The following NHSL2 variants were observed in gnomAD, a reference collection of about 807,000 sequenced individuals.
NHSL2 encodes NHS like 2.
Under a neutral mutation model 53.4 loss-of-function variants are expected in NHSL2, and 27 were observed. The ratio of observed to expected loss-of-function variants is 0.51; its 90% CI spans 0.37 to 0.70. The LOEUF (loss-of-function observed/expected upper bound fraction) is 0.70, where lower values mean the gene tolerates loss of function less well. NHSL2 is among the 30% of genes least tolerant of loss of function. The pLI is 0.00. For synonymous variants in NHSL2, 408 were observed against 404.1 expected (o/e 1.01, Z -0.12); for missense variants, 892 against 980.1 (o/e 0.91, Z 1.20).
At chrX:71,948,566 T>G (rs1185153049) in intron 1 of NHSL2, among the ~76,000 whole-genome samples, 1 of 111,425 alleles carries the variant, frequency 9.0e-6, no homozygotes, top group African/African-American at 3.3e-5. Context: ...GCACGGTGGC[T>G]CACGCCTGTA....
chrX:72,010,354 A>G (rs940004677), intron 1 of NHSL2, among the ~76,000 whole-genome samples: 1 of 112,223 alleles, frequency 8.9e-6, no homozygotes, highest in Admixed American at 9.4e-5. Context: ...AGCAAAACAG[A>G]TATGCATTTC....
rs1282432462 is a variant in NHSL2, at chrX:72,140,353, C to T, written c.2805C>T (p.Gly935=). 2.5e-6 allele frequency: 3 copies of T among 1,209,286 alleles called. No individual in the cohort carries two copies. The highest frequency in any genetic ancestry group is 3.4e-6 in the Non-Finnish European group (3 of 894,706). The change falls in exon 6 of 8, where the codon GGC becomes GGT. Residue 935 remains glycine, a synonymous_variant. Coordinates refer to ENST00000633930, the MANE Select transcript of NHSL2 (RefSeq NM_001013627.3). ...CAAAGCCCTCCAGCTTCCCAGATGGCAGAAGCCCAGGGGAGTCAACAGCAC... is the reference window on the plus strand; with the variant it reads ...CAAAGCCCTCCAGCTTCCCAGATGGTAGAAGCCCAGGGGAGTCAACAGCAC... ...RKPKPSSFPD[G]RSPGESTAPS...
intron 1 of NHSL2, among the ~76,000 whole-genome samples, chrX:72,106,575 G>T (rs1172912627): frequency 9.0e-6 from 1 of 111,372 alleles, no homozygotes; most frequent in Non-Finnish European, 1.9e-5. Context: ...CAGGGATCTA[G>T]AACTAGAAAT....
intron 1 of NHSL2, among the ~76,000 whole-genome samples, chrX:72,049,328 T>C (rs1020390397): frequency 5.4e-5 from 6 of 111,884 alleles, no homozygotes; most frequent in Non-Finnish European, 1.1e-4. Flanking sequence ...TGTGTGGTTC[T>C]GCAGGTTGTG....
Position 72,134,646 on chromosome X carries a change from G to A in NHSL2, c.702G>A (p.Glu234=). ...NSLFPLPILE[E]KRWPQLCSTQ... ...TTTTCCCTCTGCCCATCCTAGAGGAGAAGCGGTGGCCTCAGCTTTGCTCCA... is the reference window on the plus strand; with the variant it reads ...TTTTCCCTCTGCCCATCCTAGAGGAAAAGCGGTGGCCTCAGCTTTGCTCCA... Residue 234 remains glutamate, a synonymous_variant, in exon 4 of 8, where the codon GAG becomes GAA. Coordinates refer to ENST00000633930, the MANE Select transcript of NHSL2 (RefSeq NM_001013627.3). 1 of 1,167,640 alleles carries A rather than the reference G, an allele frequency of 8.6e-7. No homozygotes were observed. Among genetic ancestry groups the A allele is most frequent in the East Asian group, 3.2e-5 (1 of 30,802 alleles).
intron 1 of NHSL2, among the ~76,000 whole-genome samples, chrX:72,068,651 T>C (rs1329658048): frequency 1.4e-5 from 1 of 72,945 alleles, no homozygotes; most frequent in African/African-American, 4.4e-5. Context: ...AGTGTGTCCG[T>C]GTGTGTGTGC....
intron 1 of NHSL2, chrX:72,131,500 G>C: frequency 3.3e-6 from 4 of 1,199,247 alleles, no homozygotes; most frequent in Non-Finnish European, 4.5e-6. Flanking sequence ...GGCCACATTC[G>C]CCATGCGGAG....
Position 72,013,967 on chromosome X carries a change from G to A in NHSL2, c.280+102600G>A, listed in dbSNP as rs1243970599. 2.7e-5 allele frequency among the ~76,000 whole-genome samples: 3 copies of A among 111,778 alleles called. No individual in the cohort carries two copies. In the East Asian group the frequency reaches 8.3e-4, roughly 31 times the overall value. ...GGACCTGGAGATTTTAAAGGGAGTA[G>A]TTTTAAAATTATGAATTTCATGTTT... On this transcript the variant is annotated intron_variant, in intron 1 of 7. Transcript: ENST00000633930.
At chrX:72,045,232 C>G (rs2042298921) in intron 1 of NHSL2, among the ~76,000 whole-genome samples, 2 of 112,411 alleles carry the variant, frequency 1.8e-5, no homozygotes, top group Admixed American at 9.3e-5. Context: ...CTACAGATGA[C>G]TGTACTTGGG....
At chrX:71,966,384 A>C (rs1056885679) in intron 1 of NHSL2, among the ~76,000 whole-genome samples, 1 of 112,008 alleles carries the variant, frequency 8.9e-6, no homozygotes, top group African/African-American at 3.2e-5. Context: ...TTCTTTGGGA[A>C]AGTTTCAAAT....
At chrX:71,999,379 C>G (rs185930074) in intron 1 of NHSL2, among the ~76,000 whole-genome samples, 84 of 112,458 alleles carry the variant, frequency 7.5e-4, no homozygotes, top group Non-Finnish European at 1.3e-3. Context: ...GTCAATTTTG[C>G]TTAGAGTGGT....
chrX:72,142,583 T>C (rs1345484640), intron 7 of NHSL2, among the ~76,000 whole-genome samples: 1 of 111,221 alleles, frequency 9.0e-6, no homozygotes, highest in Non-Finnish European at 1.9e-5. Flanking sequence ...CATCTCAAAT[T>C]CACTGACATC....
At chrX:71,994,496 G>C (rs890537309) in intron 1 of NHSL2, among the ~76,000 whole-genome samples, 1 of 111,132 alleles carries the variant, frequency 9.0e-6, no homozygotes, top group African/African-American at 3.3e-5. Context: ...TCACGCCCCA[G>C]TGTGTTGCCC....
chrX:72,107,500 T>A (rs139367113), intron 1 of NHSL2, among the ~76,000 whole-genome samples: 141 of 111,313 alleles, frequency 1.3e-3, no homozygotes, highest in African/African-American at 4.4e-3. Context: ...GTGTTTGTGC[T>A]CATGAGCCCT....
chrX:72,103,328 G>T (rs979029051), intron 1 of NHSL2, among the ~76,000 whole-genome samples: 1 of 111,848 alleles, frequency 8.9e-6, no homozygotes, highest in Non-Finnish European at 1.9e-5. Flanking sequence ...AGAGTCCAGA[G>T]AAGTGCCCAC....
At chrX:71,957,237 C>A (rs941312043) in intron 1 of NHSL2, among the ~76,000 whole-genome samples, 1 of 111,956 alleles carries the variant, frequency 8.9e-6, no homozygotes, top group Non-Finnish European at 1.9e-5. Context: ...CCAAGGGGAC[C>A]TGTTATGGGC....
intron 1 of NHSL2, among the ~76,000 whole-genome samples, chrX:71,937,130 GAC>G (rs1165086149): frequency 8.9e-6 from 1 of 112,195 alleles, no homozygotes; most frequent in Non-Finnish European, 1.9e-5. Context: ...TCTCCTAGAA[GAC>G]AGTTGAGGAG....
chrX:72,087,190 G>C (rs969716387), intron 1 of NHSL2, among the ~76,000 whole-genome samples: 1 of 112,553 alleles, frequency 8.9e-6, no homozygotes, highest in Non-Finnish European at 1.9e-5. Context: ...AAGGAATGAA[G>C]TTCTGACACA....
chrX:71,941,265 A>G (rs781617660), intron 1 of NHSL2, among the ~76,000 whole-genome samples: 137 of 111,891 alleles, frequency 1.2e-3, no homozygotes, highest in Non-Finnish European at 2.2e-3. Flanking sequence ...TCCACAGGAA[A>G]GACTATCTGA....
Sources: allele counts gnomAD v4.1 joint callset (sites outside exome capture counted in the v4.1 genomes callset), GRCh38; gene constraint gnomAD v4.1.1; transcripts MANE v1.5; gene names NCBI Gene and HGNC (gene_info 2026-07-23, HGNC 2026-07-21).